Variants in SCAP observed in about 807,000 individuals in gnomAD.
SCAP encodes the protein sterol regulatory element-binding protein cleavage-activating protein.
A neutral mutation model predicts 123.6 loss-of-function variants in SCAP; 65 were observed. The ratio of observed to expected loss-of-function variants is 0.53; its 90% CI spans 0.43 to 0.65. The LOEUF (loss-of-function observed/expected upper bound fraction) is 0.65, where lower values mean the gene tolerates loss of function less well. SCAP is among the 30% of genes least tolerant of loss of function. The probability of loss-of-function intolerance (pLI) is 0.00; values close to 1 mark genes in which losing one functional copy is unlikely to be tolerated. For synonymous variants in SCAP, 740 were observed against 726.3 expected, an observed-to-expected ratio of 1.02 and a Z score of -0.30; for missense variants, 1,398 against 1,712.5, an observed-to-expected ratio of 0.82 and a Z score of 3.24.
intron 1 of SCAP, among the ~76,000 whole-genome samples, chr3:47,475,223 C>T (rs531701348): frequency 3.3e-5 from 5 of 152,120 alleles, no homozygotes; most frequent in African/African-American, 9.6e-5. Flanking sequence ...GGAGCCAGGG[C>T]TCCCTGCAAC....
At chr3:47,451,924 T>C (rs1243062513) in intron 1 of SCAP, among the ~76,000 whole-genome samples, 1 of 59,542 alleles carries the variant, frequency 1.7e-5, no homozygotes, top group Non-Finnish European at 4.0e-5. Context: ...ATGCCTTATG[T>C]GTGCCAACCT....
chr3:47,459,476 G>A (rs749376692), intron 1 of SCAP, among the ~76,000 whole-genome samples: 4 of 151,994 alleles, frequency 2.6e-5, no homozygotes, highest in African/African-American at 4.8e-5. Flanking sequence ...CGTAAGTGTC[G>A]GCCGGCTGAG....
intron 1 of SCAP, among the ~76,000 whole-genome samples, chr3:47,461,529 T>G (rs960805521): frequency 6.6e-6 from 1 of 152,162 alleles, no homozygotes; most frequent in Non-Finnish European, 1.5e-5. Flanking sequence ...GCTACCAGAT[T>G]TCAGAGCTAG....
intron 10 of SCAP, chr3:47,421,327 C>T (rs1012095917): frequency 4.3e-5 from 15 of 346,608 alleles, no homozygotes; most frequent in South Asian, 1.7e-4. Context: ...TGATCCAACC[C>T]GGAAACCTCT....
chr3:47,421,318 G>C (rs535600103), intron 10 of SCAP: 1 of 362,984 alleles, frequency 2.8e-6, no homozygotes, highest in Non-Finnish European at 5.3e-6. Context: ...CTGAAGGCCT[G>C]ATCCAACCCG....
intron 9 of SCAP, 114 bp downstream of exon 9, chr3:47,423,819 A>G (rs574221408): frequency 1.3e-6 from 1 of 759,132 alleles, no homozygotes; most frequent in Non-Finnish European, 2.2e-6. Context: ...GCCGGAGGCA[A>G]GAGCAAGGGA....
At chr3:47,431,166 C>T (rs1374472486) in intron 3 of SCAP, among the ~76,000 whole-genome samples, 3 of 39,716 alleles carry the variant, frequency 7.6e-5, no homozygotes, top group Non-Finnish European at 1.3e-4. Flanking sequence ...ATGACCAGAA[C>T]AGAAGCTCAC....
At chr3:47,428,371 T>C in intron 4 of SCAP, 142 bp downstream of exon 4, 1 of 899,744 alleles carries the variant, frequency 1.1e-6, no homozygotes, top group African/African-American at 1.7e-5. Context: ...GCTGAGAAAT[T>C]CAAGGCTAGC....
At chr3:47,427,307 C>T (rs1458390481) in intron 5 of SCAP, 45 bp from the exon 6 acceptor site, 2 of 1,563,556 alleles carry the variant, frequency 1.3e-6, no homozygotes, top group East Asian at 2.2e-5. Context: ...ATGACAGCTA[C>T]TGCAGAGCCA....
Position 47,417,703 on chromosome 3 carries a change from G to A in SCAP, c.2571C>T (p.Arg857=). 1.2e-6 allele frequency: 2 copies of A among 1,608,846 alleles called. No homozygotes were observed. Among genetic ancestry groups the A allele is most frequent in the African/African-American group, 2.7e-5 (2 of 73,974 alleles). Residue 857 remains arginine, a synonymous_variant, in exon 17 of 23, where the codon CGC becomes CGT. Transcript: ENST00000265565. ...EPGDSPPLRH[R]PRGPPPPSLF... ...GGGAAGGCGGCGGAGGGCCCCGGGGGCGGTGTCTCAGGGGAGGGCTGTCCC... is the reference window on the plus strand; with the variant it reads ...GGGAAGGCGGCGGAGGGCCCCGGGGACGGTGTCTCAGGGGAGGGCTGTCCC...
intron 1 of SCAP, among the ~76,000 whole-genome samples, chr3:47,445,390 G>A (rs1706993676): frequency 6.6e-6 from 1 of 151,412 alleles, no homozygotes; most frequent in Non-Finnish European, 1.5e-5. Context: ...GGGATTACAA[G>A]TGCCCGCCAC....
chr3:47,415,280 C>T (rs751335638), intron 18 of SCAP, 100 bp from the exon 19 acceptor site: 5 of 1,088,526 alleles, frequency 4.6e-6, no homozygotes, highest in South Asian at 3.4e-5. Flanking sequence ...CAAGAAGGCA[C>T]AGGAGGGACA....
At chr3:47,452,647 G>A (rs999752028) in intron 1 of SCAP, among the ~76,000 whole-genome samples, 17 of 152,106 alleles carry the variant, frequency 1.1e-4, no homozygotes, top group African/African-American at 4.1e-4. Context: ...AAATCTGGCG[G>A]TGAGGCCCAG....
In SCAP at chr3:47,419,884, C is replaced by T. The variant is rs145413386; in HGVS notation, c.1564-180G>A. ...GTCCTCCTGCTAACACCTGCCAACA[C>T]TTGCTGCTGGAGGGGCCTGCTTGCC... On this transcript the variant is annotated intron_variant, in intron 12 of 22. Coordinates refer to ENST00000265565, the MANE Select transcript of SCAP (RefSeq NM_012235.4). This position sits in a 1 kb window ranked among gnomAD's most constrained non-coding sequence, Gnocchi z 5.0. Among the ~76,000 whole-genome samples the T allele has an allele frequency of 6.6e-6, 1 of 152,350 alleles. No homozygotes were observed. Among genetic ancestry groups the T allele is most frequent in the African/African-American group, 2.4e-5 (1 of 41,586 alleles).
chr3:47,473,068 G>T (rs930078440), intron 1 of SCAP, among the ~76,000 whole-genome samples: 4 of 34,448 alleles, frequency 1.2e-4, no homozygotes, highest in Non-Finnish European at 2.0e-4. Context: ...CAAGAAGAGC[G>T]AAACTCCATC....
intron 6 of SCAP, 62 bp from the exon 7 acceptor site, chr3:47,426,231 A>G: frequency 1.3e-6 from 2 of 1,527,432 alleles, no homozygotes; most frequent in South Asian, 2.4e-5. Context: ...GGACAAAGAC[A>G]ATCCCCGGAC....
Position 47,427,185 on chromosome 3 carries a change from T to C in SCAP, c.709A>G (p.Thr237Ala). 1 of 1,613,442 alleles carries C rather than the reference T, an allele frequency of 6.2e-7. No individual in the cohort carries two copies. Among genetic ancestry groups the C allele is most frequent in the Non-Finnish European group, 8.5e-7 (1 of 1,179,508 alleles). The stretch of plus-strand genomic sequence containing the variant: ...GCATGGTAGTGCTGGAAGACCAGGG[T>C]GATGGTGTAGGAGACCATCCTCTTC... The part of the protein sequence containing the change: ...TRKRMVSYTI[T>A]LVFQHYHAKF... The change falls in exon 6 of 23, where the codon ACC becomes GCC. Residue 237 changes from threonine to alanine, a missense_variant. Thr to Ala is a moderately conservative substitution (Grantham distance 58, BLOSUM62 0). Around this residue, in one of 7 missense-constraint regions of SCAP, gnomAD observed 319 missense variants for 432.4 expected, o/e 0.74. Transcript: ENST00000265565.
chr3:47,414,736 C>G (rs1224425885), intron 20 of SCAP, 84 bp from the exon 21 acceptor site: 1 of 1,607,732 alleles, frequency 6.2e-7, no homozygotes, highest in African/African-American at 1.3e-5. Context: ...TGTTCTTCAT[C>G]AGGACTCTTC....
chr3:47,422,405 T>C, intron 10 of SCAP, 37 bp downstream of exon 10: 2 of 1,573,896 alleles, frequency 1.3e-6, no homozygotes, highest in Non-Finnish European at 1.7e-6. Context: ...AGCAGTTGCT[T>C]CCATGCTCAT....
Sources: allele counts gnomAD v4.1 joint callset (sites outside exome capture counted in the v4.1 genomes callset), GRCh38; gene constraint gnomAD v4.1.1; regional missense constraint gnomAD v4.1.1; non-coding constraint Gnocchi (gnomAD v3.1); transcripts MANE v1.5; gene names NCBI Gene and HGNC (gene_info 2026-07-23, HGNC 2026-07-21).